KCNH1: variants seen among roughly 807,000 people sequenced by gnomAD.
The protein encoded by KCNH1 is potassium voltage-gated channel subfamily H member 1, also known as voltage-gated delayed rectifier potassium channel KCNH1.
In KCNH1, 27 loss-of-function variants were observed where a neutral mutation model predicts 69.2. The observed-to-expected ratio is 0.39, with a 90% CI of 0.29 to 0.54. The LOEUF (loss-of-function observed/expected upper bound fraction) is 0.54, where lower values mean the gene tolerates loss of function less well. KCNH1 is among the 20% of genes least tolerant of loss of function. The probability of loss-of-function intolerance (pLI) is 0.68; values close to 1 mark genes in which losing one functional copy is unlikely to be tolerated. For synonymous variants in KCNH1, 456 were observed against 487.7 expected (o/e 0.93, Z 0.86); for missense variants, 798 against 1,261.6 (o/e 0.63, Z 5.57).
At chr1:211,083,433 G>T (rs1036802018) in intron 4 of KCNH1, among the ~76,000 whole-genome samples, 4 of 152,234 alleles carry the variant, frequency 2.6e-5, no homozygotes, top group Non-Finnish European at 5.9e-5. Flanking sequence ...CAACCCCTGG[G>T]TAGGTGGGGG....
At chr1:210,800,347 C>T (rs1215306999) in intron 8 of KCNH1, among the ~76,000 whole-genome samples, 2 of 152,226 alleles carry the variant, frequency 1.3e-5, no homozygotes, top group Admixed American at 6.5e-5. Flanking sequence ...AGCACTCACA[C>T]GCCATGTCAA....
intron 10 of KCNH1, among the ~76,000 whole-genome samples, chr1:210,760,469 T>C (rs1683492904): frequency 6.6e-6 from 1 of 152,150 alleles, no homozygotes; most frequent in African/African-American, 2.4e-5. Flanking sequence ...AGAAATAAAG[T>C]GTTTCCCAGA....
intron 9 of KCNH1, among the ~76,000 whole-genome samples, chr1:210,786,330 C>A (rs1684101815): frequency 6.6e-6 from 1 of 152,146 alleles, no homozygotes; most frequent in African/African-American, 2.4e-5. Context: ...CTTAATGGGC[C>A]ATAAAATATT....
chr1:210,863,254 G>A (rs1686019919), intron 7 of KCNH1, among the ~76,000 whole-genome samples: 1 of 152,176 alleles, frequency 6.6e-6, no homozygotes, highest in East Asian at 1.9e-4. Flanking sequence ...TTGGGCACTA[G>A]GGGGTGGAGG....
intron 5 of KCNH1, among the ~76,000 whole-genome samples, chr1:211,032,807 C>T (rs931062670): frequency 1.4e-4 from 22 of 152,156 alleles, no homozygotes; most frequent in African/African-American, 5.3e-4. Context: ...ACCATAAAAA[C>T]CCTAGAAGAA....
intron 5 of KCNH1, among the ~76,000 whole-genome samples, chr1:211,024,597 A>C (rs1689650597): frequency 6.6e-6 from 1 of 152,158 alleles, no homozygotes; most frequent in South Asian, 2.1e-4. Flanking sequence ...TTTTAGGTAA[A>C]AGAATAATAA....
intron 2 of KCNH1, among the ~76,000 whole-genome samples, chr1:211,106,553 G>A (rs1327318758): frequency 6.6e-6 from 1 of 151,994 alleles, no homozygotes. Context: ...GGAGGCCAAG[G>A]CGGGCAGACC....
Position 210,797,776 on chromosome 1 carries a change from A to T in KCNH1, c.1663-16T>A, listed in dbSNP as rs776095937. 2 of 1,604,882 alleles carry T rather than the reference A, an allele frequency of 1.2e-6. No individual in the cohort carries two copies. Among genetic ancestry groups the T allele is most frequent in the South Asian group, 2.2e-5 (2 of 90,372 alleles). On this transcript the variant is annotated splice_polypyrimidine_tract_variant and intron_variant, in intron 8 of 10. Coordinates refer to ENST00000271751, the MANE Select transcript of KCNH1 (RefSeq NM_172362.3). The stretch of plus-strand genomic sequence containing the variant: ...TCTGCAGGACCTAGCCAGGTACAGA[A>T]AAAAACAGTGTGAGGGTCCTCACTG...
At position 210,968,128 on chromosome 1, in the gene KCNH1, T is replaced by A. The variant is rs376752855; in HGVS notation, c.1033-48059A>T. Reference sequence around the variant, plus strand: ...TGAGAATATGCGGTGTTTGGTTTTTTGTTCTTGCGATAGTTTACTGAGAAT... The same window carrying A: ...TGAGAATATGCGGTGTTTGGTTTTTAGTTCTTGCGATAGTTTACTGAGAAT... On this transcript the variant is annotated intron_variant, in intron 6 of 10. Transcript: ENST00000271751. Among the ~76,000 whole-genome samples, 819 of 150,942 alleles carry A rather than the reference T, an allele frequency of 5.4e-3. 11 individuals carry two copies. The highest frequency in any genetic ancestry group is 0.019 in the African/African-American group (779 of 40,980).
intron 10 of KCNH1, among the ~76,000 whole-genome samples, chr1:210,684,710 G>A (rs1168511103): frequency 6.6e-6 from 1 of 152,242 alleles, no homozygotes; most frequent in African/African-American, 2.4e-5. Context: ...GGTTGGCTGT[G>A]AAAAGTAAAA....
chr1:211,030,428 G>A (rs1337074584), intron 5 of KCNH1, among the ~76,000 whole-genome samples: 1 of 152,094 alleles, frequency 6.6e-6, no homozygotes. Context: ...TCATAGAACA[G>A]AATAGAGATT....
At chr1:210,851,559 CT>C (rs1435860806) in intron 7 of KCNH1, among the ~76,000 whole-genome samples, 3 of 152,196 alleles carry the variant, frequency 2.0e-5, no homozygotes, top group African/African-American at 7.2e-5. Context: ...TAAATACCAT[CT>C]TGTGTCACTT....
chr1:211,070,165 T>C (rs1690608638), intron 5 of KCNH1, among the ~76,000 whole-genome samples: 2 of 152,112 alleles, frequency 1.3e-5, no homozygotes, highest in African/African-American at 4.8e-5. Context: ...ACATCTGTAA[T>C]CCCAGCACTT....
At chr1:210,726,018 A>C (rs1378106542) in intron 10 of KCNH1, among the ~76,000 whole-genome samples, 2 of 152,216 alleles carry the variant, frequency 1.3e-5, no homozygotes, top group Non-Finnish European at 2.9e-5. Flanking sequence ...TCTTAGTCAT[A>C]TTCACATTCC....
intron 10 of KCNH1, among the ~76,000 whole-genome samples, chr1:210,695,291 A>G (rs768794676): frequency 1.7e-4 from 26 of 152,190 alleles, no homozygotes; most frequent in Non-Finnish European, 3.4e-4. Context: ...ATGTGCTTTC[A>G]TGAGGAATTT....
intron 10 of KCNH1, among the ~76,000 whole-genome samples, chr1:210,732,212 A>G (rs1458746945): frequency 6.6e-6 from 1 of 151,528 alleles, no homozygotes; most frequent in African/African-American, 2.4e-5. Flanking sequence ...CACCCCCACA[A>G]GCAGAACCAG....
chr1:210,894,736 C>G (rs965793707), intron 7 of KCNH1, among the ~76,000 whole-genome samples: 1 of 152,182 alleles, frequency 6.6e-6, no homozygotes. Flanking sequence ...TGCCCATTCA[C>G]CATGTAATGC....
At chr1:211,096,725 A>G (rs1225102647) in intron 3 of KCNH1, among the ~76,000 whole-genome samples, 1 of 152,200 alleles carries the variant, frequency 6.6e-6, no homozygotes, top group Non-Finnish European at 1.5e-5. Context: ...AATCAGTCTC[A>G]GCTGTTTTTG....
intron 6 of KCNH1, among the ~76,000 whole-genome samples, chr1:210,968,794 A>G (rs1022313303): frequency 6.6e-6 from 1 of 152,100 alleles, no homozygotes; most frequent in African/African-American, 2.4e-5. Flanking sequence ...GTAGGTTGCA[A>G]AAATTTTCTC....
Sources: allele counts gnomAD v4.1 joint callset (sites outside exome capture counted in the v4.1 genomes callset), GRCh38; gene constraint gnomAD v4.1.1; transcripts MANE v1.5; gene names NCBI Gene and HGNC (gene_info 2026-07-23, HGNC 2026-07-21).